Variants in ZC3HAV1L observed in about 807,000 individuals in gnomAD.
The protein encoded by ZC3HAV1L is ZC3HAV1 like.
In ZC3HAV1L, 23 loss-of-function variants were observed where a neutral mutation model predicts 28.2. The observed-to-expected ratio is 0.82, with a 90% confidence interval of 0.59 to 1.16. The LOEUF (loss-of-function observed/expected upper bound fraction) is 1.16. ZC3HAV1L is among the 50% of genes most tolerant of loss of function. The probability of loss-of-function intolerance (pLI) is 0.00; values close to 1 mark genes in which losing one functional copy is unlikely to be tolerated. For missense variants in ZC3HAV1L, 376 were observed against 387.7 expected, an observed-to-expected ratio of 0.97 and a Z score of 0.25; for synonymous variants, 180 against 163.4, an observed-to-expected ratio of 1.10 and a Z score of -0.78.
In ZC3HAV1L at chr7:139,035,990, G is replaced by A. The variant is rs528718214; in HGVS notation, c.28C>T (p.Leu10Phe). 48 of 1,524,468 alleles carry A rather than the reference G, an allele frequency of 3.1e-5. No individual in the cohort carries two copies. Among genetic ancestry groups the A allele is most frequent in the Non-Finnish European group, 4.2e-5 (48 of 1,144,408 alleles). 94.4% of individuals were successfully genotyped at this position (1,524,468 alleles called of 1,614,324 possible). ...CCGTGGGCGCACAGCACCTTGGTGAGGAAGGAGCACACTGTGGGCTCCGCC... is the reference window on the plus strand; with the variant it reads ...CCGTGGGCGCACAGCACCTTGGTGAAGAAGGAGCACACTGTGGGCTCCGCC... The part of the protein sequence containing the change: MAEPTVCSF[L>F]TKVLCAHGGR... The change falls in exon 1 of 5, where the codon CTC becomes TTC. Residue 10 changes from leucine (L) to phenylalanine (F), a missense_variant. Transcript: ENST00000275766.
At chr7:139,035,607 G>A in intron 1 of ZC3HAV1L, 46 bp downstream of exon 1, 1 of 1,353,056 alleles carries the variant, frequency 7.4e-7, no homozygotes. Flanking sequence ...GGACGGCCAG[G>A]CCCGCGGCCA....
At position 139,034,653 on chromosome 7, in the gene ZC3HAV1L, T is replaced by C. The variant is rs1168807805; in HGVS notation, c.391A>G (p.Ile131Val). 2 of 1,613,830 alleles carry C rather than the reference T, an allele frequency of 1.2e-6. No individual in the cohort carries two copies. The highest frequency in any genetic ancestry group is 2.2e-5 in the East Asian group (1 of 44,892). The change falls in exon 2 of 5, where the codon ATC becomes GTC. Residue 131 changes from isoleucine to valine, a missense_variant. Transcript: ENST00000275766. ...ACCTGCATGTTGACAGGTGTGTGGA[T>C]ATCATGGGAAAGGGTACAGGTAGAC... The part of the protein sequence containing the change: ...CWSTCTLSHD[I>V]HTPVNMQVLK...
chr7:139,026,669 A>G (rs1279027588), intron 4 of ZC3HAV1L, 39 bp downstream of exon 4: 1 of 1,612,540 alleles, frequency 6.2e-7, no homozygotes. Flanking sequence ...CAAGCTGGAC[A>G]AGCTTCTTCT....
At chr7:139,031,940 T>C (rs1382025229) in intron 2 of ZC3HAV1L, among the ~76,000 whole-genome samples, 1 of 151,722 alleles carries the variant, frequency 6.6e-6, no homozygotes, top group East Asian at 1.9e-4. Flanking sequence ...CTGGGTGCGG[T>C]GGTGTACACC....
At chr7:139,034,910 G>A (rs543380287) in intron 1 of ZC3HAV1L, 20 of 985,436 alleles carry the variant, frequency 2.0e-5, no homozygotes, top group Middle Eastern at 1.0e-3. Flanking sequence ...GAAGCCAAGG[G>A]TCGCCCACCT....
intron 2 of ZC3HAV1L, among the ~76,000 whole-genome samples, chr7:139,030,331 G>T (rs535360185): frequency 1.3e-5 from 2 of 152,320 alleles, no homozygotes; most frequent in Admixed American, 6.5e-5. Context: ...TGTAATTCCA[G>T]CTACTGGGGA....
downstream of ZC3HAV1L, among the ~76,000 whole-genome samples, chr7:139,024,483 G>T (rs1265875508): frequency 1.3e-5 from 2 of 152,086 alleles, no homozygotes; most frequent in Admixed American, 1.3e-4. Context: ...TAGTAAAATG[G>T]TAAGTGTAAA....
intron 3 of ZC3HAV1L, 115 bp from the exon 4 acceptor site, chr7:139,026,948 G>C (rs1437652527): frequency 8.4e-7 from 1 of 1,194,266 alleles, no homozygotes; most frequent in African/African-American, 1.5e-5. Context: ...TGGATTTGGA[G>C]AGTTCATGTC....
intron 2 of ZC3HAV1L, among the ~76,000 whole-genome samples, chr7:139,031,611 A>G (rs939582280): frequency 2.7e-5 from 4 of 150,814 alleles, no homozygotes; most frequent in Non-Finnish European, 5.9e-5. Context: ...AAAACAAAAA[A>G]AAGTATCTGG....
rs1279701738 is a variant in ZC3HAV1L at position 139,028,840 on chromosome 7, T to C, written c.622A>G (p.Lys208Glu). 1 of 1,614,186 alleles carries C rather than the reference T, an allele frequency of 6.2e-7. No individual in the cohort carries two copies. Among genetic ancestry groups the C allele is most frequent in the South Asian group, 1.1e-5 (1 of 91,082 alleles). Reference sequence around the variant, plus strand: ...GCATGGATAAGCTGATGGGACCGTTTGCAGGTCTGAAGTTTGCATTCTCCT... The same window carrying C: ...GCATGGATAAGCTGATGGGACCGTTCGCAGGTCTGAAGTTTGCATTCTCCT... ...VKGECKLQTC[K>E]RSHQLIHAAS... Residue 208 changes from lysine (K) to glutamate (E), a missense_variant, in exon 3 of 5, where the codon AAA becomes GAA. Lys to Glu is a moderately conservative substitution (Grantham distance 56, BLOSUM62 1). Transcript: ENST00000275766.
Position 139,036,024 on chromosome 7 carries a change from T to A in ZC3HAV1L, c.-7A>T. The A allele has an allele frequency of 6.7e-7, 1 of 1,499,924 alleles. No individual in the cohort carries two copies. The highest frequency in any genetic ancestry group is 2.1e-5 in the Admixed American group (1 of 46,876). The allele number at this position is 1,499,924 out of a possible 1,614,324, so 92.9% of individuals were successfully genotyped here. On this transcript the variant is annotated 5_prime_UTR_variant, in exon 1 of 5. Coordinates refer to ENST00000275766, the MANE Select transcript of ZC3HAV1L (RefSeq NM_080660.4). ...ACACTGTGGGCTCCGCCATGGTCGC[T>A]GGCGCGGGCCCTGTGCGCGCGGCGC...
At chr7:139,030,772 T>TTG (rs1815501818) in intron 2 of ZC3HAV1L, among the ~76,000 whole-genome samples, 1 of 151,916 alleles carries the variant, frequency 6.6e-6, no homozygotes, top group Non-Finnish European at 1.5e-5. Flanking sequence ...TGAGCCGAGA[T>TTG]CACGCCACTG....
At chr7:139,024,390 AG>A (rs1815304498), downstream of ZC3HAV1L, among the ~76,000 whole-genome samples, 1 of 152,202 alleles carries the variant, frequency 6.6e-6, no homozygotes, top group Non-Finnish European at 1.5e-5. Context: ...AGGTCCAGCA[AG>A]TCTCTCAATG....
chr7:139,026,712 G>A lies in ZC3HAV1L; in HGVS notation c.882C>T (p.Cys294=), dbSNP rs1470840166. Residue 294 remains cysteine, a synonymous_variant, in exon 4 of 5, where the codon TGC becomes TGT. Coordinates refer to ENST00000275766, the MANE Select transcript of ZC3HAV1L (RefSeq NM_080660.4). The part of the protein sequence containing the change: ...SVPAQSAKKP[C]PVSCEK Reference sequence around the variant, plus strand: ...CTGACCCCCTTTAAGGTTTACCTGGGCAGGGCTTCTTGGCCGACTGAGCAG... The same window carrying A: ...CTGACCCCCTTTAAGGTTTACCTGGACAGGGCTTCTTGGCCGACTGAGCAG... 1 of 1,614,026 alleles carries A rather than the reference G, an allele frequency of 6.2e-7. No individual in the cohort carries two copies. The highest frequency in any genetic ancestry group is 8.5e-7 in the Non-Finnish European group (1 of 1,179,962).
intron 2 of ZC3HAV1L, among the ~76,000 whole-genome samples, 173 bp from the exon 3 acceptor site, chr7:139,029,133 G>A (rs991505623): frequency 6.6e-6 from 1 of 152,032 alleles, no homozygotes; most frequent in African/African-American, 2.4e-5. Context: ...CTCCCGAGTA[G>A]CTGAGAATAC....
downstream of ZC3HAV1L, among the ~76,000 whole-genome samples, chr7:139,023,182 GAAAAAAAA>G (rs565321825): frequency 1.9e-5 from 2 of 103,122 alleles, no homozygotes; most frequent in Non-Finnish European, 3.7e-5. Context: ...AAGGAAAAAA[GAAAAAAAA>G]AAAAAAAAAA....
rs1399730543 is a variant in ZC3HAV1L, at chr7:139,035,466, C to T, written c.365+187G>A. On this transcript the variant is annotated intron_variant, in intron 1 of 4. Coordinates refer to ENST00000275766, the MANE Select transcript of ZC3HAV1L (RefSeq NM_080660.4). ...CGTCTCCATGGAGAGGACCTTCGCG[C>T]CTTTCCGCCCAGCTGCTGGAAGCGC... The T allele has an allele frequency of 6.1e-6, 6 of 985,416 alleles. No individual in the cohort carries two copies. In the East Asian group the frequency reaches 6.8e-4, roughly 112 times the overall value. The allele number at this position is 985,416 out of a possible 1,614,324, so 61.0% of individuals were successfully genotyped here. A position where few individuals can be genotyped will look rare whatever the true frequency, so the allele number is the denominator to read the frequency against.
At chr7:139,022,465 G>A (rs1020239192), downstream of ZC3HAV1L, 2 of 390,580 alleles carry the variant, frequency 5.1e-6, no homozygotes, top group Non-Finnish European at 1.0e-5. Flanking sequence ...AGGATGGCTT[G>A]AGCCTGAGAA....
intron 1 of ZC3HAV1L, 91 bp from the exon 2 acceptor site, chr7:139,034,769 T>G: frequency 1.3e-6 from 2 of 1,526,362 alleles, no homozygotes; most frequent in Middle Eastern, 3.8e-4. Context: ...ATGTATTTAA[T>G]ACATGTGAAG....
Sources: allele counts gnomAD v4.1 joint callset (sites outside exome capture counted in the v4.1 genomes callset), GRCh38; gene constraint gnomAD v4.1.1; transcripts MANE v1.5; gene names NCBI Gene and HGNC (gene_info 2026-07-23, HGNC 2026-07-21).